Variants in NALF1 observed in about 807,000 individuals in gnomAD.
NALF1 encodes the protein family with sequence similarity 155 member A.
NALF1 carries 3 observed loss-of-function variants against 48.4 expected under a neutral mutation model. The observed-to-expected ratio is 0.06, with a 90% confidence interval of 0.03 to 0.16. The LOEUF is 0.16. NALF1 is among the 10% of genes least tolerant of loss of function. The probability of loss-of-function intolerance (pLI) is 1.00; values close to 1 mark genes in which losing one functional copy is unlikely to be tolerated. For missense variants in NALF1, 526 were observed against 571.5 expected (o/e 0.92, Z 0.81); for synonymous variants, 262 against 245.7 (o/e 1.07, Z -0.62).
intron 1 of NALF1, among the ~76,000 whole-genome samples, chr13:107,529,886 A>C (rs778997733): frequency 1.3e-5 from 2 of 152,046 alleles, no homozygotes; most frequent in East Asian, 1.9e-4. Flanking sequence ...ACATCCCTTC[A>C]TCTAGTGGCC....
chr13:107,710,828 T>TGC (rs1875564462), intron 1 of NALF1, among the ~76,000 whole-genome samples: 1 of 44,682 alleles, frequency 2.2e-5, no homozygotes, highest in Non-Finnish European at 5.8e-5. Flanking sequence ...TATATACACA[T>TGC]ACAGAGACAC....
intron 1 of NALF1, among the ~76,000 whole-genome samples, chr13:107,779,214 T>A (rs568806450): frequency 1.1e-3 from 171 of 152,380 alleles, no homozygotes; most frequent in African/African-American, 3.8e-3. Flanking sequence ...TGTTTACACC[T>A]GCATTCTTAT....
At chr13:107,733,103 A>G (rs1876360698) in intron 1 of NALF1, among the ~76,000 whole-genome samples, 1 of 152,004 alleles carries the variant, frequency 6.6e-6, no homozygotes, top group African/African-American at 2.4e-5. Context: ...AAATCCTGTA[A>G]ATATATCGGA....
At chr13:107,687,198 C>A (rs1881453341) in intron 1 of NALF1, among the ~76,000 whole-genome samples, 1 of 151,866 alleles carries the variant, frequency 6.6e-6, no homozygotes, top group African/African-American at 2.4e-5. Flanking sequence ...AATGCAAAAA[C>A]AGAAAATCAA....
At chr13:107,752,852 T>C (rs1465207156) in intron 1 of NALF1, among the ~76,000 whole-genome samples, 1 of 152,200 alleles carries the variant, frequency 6.6e-6, no homozygotes, top group African/African-American at 2.4e-5. Flanking sequence ...TTTGTGCTTT[T>C]CTAATAGTGA....
chr13:107,487,728 G>C (rs1360364673), intron 1 of NALF1, among the ~76,000 whole-genome samples: 1 of 152,142 alleles, frequency 6.6e-6, no homozygotes, highest in Non-Finnish European at 1.5e-5. Context: ...AAGGATATTG[G>C]CCTGAAGTTT....
At chr13:107,419,443 T>G (rs1884147526) in intron 1 of NALF1, among the ~76,000 whole-genome samples, 2 of 152,120 alleles carry the variant, frequency 1.3e-5, no homozygotes, top group African/African-American at 2.4e-5. Context: ...GATATAAGTT[T>G]TGTACAGAAA....
chr13:107,678,728 G>A (rs1309893579), intron 1 of NALF1, among the ~76,000 whole-genome samples: 1 of 152,164 alleles, frequency 6.6e-6, no homozygotes, highest in Non-Finnish European at 1.5e-5. Context: ...CTTCACAACG[G>A]GGCAGGAAGG....
chr13:107,714,999 T>C (rs546641823), intron 1 of NALF1, among the ~76,000 whole-genome samples: 3 of 152,144 alleles, frequency 2.0e-5, no homozygotes, highest in Admixed American at 6.5e-5. Context: ...CTCTCATTTT[T>C]GAATTTTTTT....
intron 1 of NALF1, among the ~76,000 whole-genome samples, chr13:107,692,057 A>G (rs1881579850): frequency 6.6e-6 from 1 of 152,196 alleles, no homozygotes; most frequent in South Asian, 2.1e-4. Context: ...AATCTTACGG[A>G]CAAATGAGAA....
At chr13:107,282,400 G>A (rs1881406278) in intron 1 of NALF1, among the ~76,000 whole-genome samples, 1 of 152,208 alleles carries the variant, frequency 6.6e-6, no homozygotes, top group Non-Finnish European at 1.5e-5. Context: ...GGACTCTGGA[G>A]GAAGCAATGA....
chr13:107,660,332 G>A (rs1880694141), intron 1 of NALF1, among the ~76,000 whole-genome samples: 1 of 151,090 alleles, frequency 6.6e-6, no homozygotes, highest in Admixed American at 6.6e-5. Context: ...CCACTCGGGA[G>A]GCTGAGGCAG....
intron 1 of NALF1, among the ~76,000 whole-genome samples, chr13:107,805,083 A>G (rs1362818342): frequency 1.3e-5 from 2 of 152,196 alleles, no homozygotes; most frequent in Non-Finnish European, 2.9e-5. Flanking sequence ...GACACCTGAC[A>G]TAAGATAATC....
intron 2 of NALF1, among the ~76,000 whole-genome samples, chr13:107,186,471 G>A (rs531953137): frequency 1.3e-5 from 2 of 152,110 alleles, no homozygotes; most frequent in Non-Finnish European, 2.9e-5. Context: ...GGGTTCAAGC[G>A]ATTCTCTTGC....
At chr13:107,370,826 C>T (rs1313636316) in intron 1 of NALF1, among the ~76,000 whole-genome samples, 6 of 152,134 alleles carry the variant, frequency 3.9e-5, no homozygotes, top group African/African-American at 4.8e-5. Flanking sequence ...GATGCAAACA[C>T]GTCCTTCTTC....
intron 1 of NALF1, among the ~76,000 whole-genome samples, chr13:107,311,338 G>T (rs982496619): frequency 6.6e-6 from 1 of 151,990 alleles, no homozygotes; most frequent in Admixed American, 6.6e-5. Context: ...CAATTCTAGA[G>T]CTATCTAAAA....
chr13:107,350,532 A>G (rs1388511719), intron 1 of NALF1, among the ~76,000 whole-genome samples: 1 of 152,244 alleles, frequency 6.6e-6, no homozygotes, highest in African/African-American at 2.4e-5. Context: ...TACTAACATT[A>G]GCTTTGAAAT....
rs537234780 is a variant in NALF1, at chr13:107,662,637, C to T, written c.915+203045G>A. On this transcript the variant is annotated intron_variant, in intron 1 of 2. Coordinates refer to ENST00000375915, the MANE Select transcript of NALF1 (RefSeq NM_001080396.3). ...ACATCCATTAAAAATAACTTGAAAA[C>T]AGAATTATTGTCACATAATTCACCT... Among the ~76,000 whole-genome samples, 12 of 152,178 alleles carry T rather than the reference C, an allele frequency of 7.9e-5. 1 individual carries two copies. In the East Asian group the frequency reaches 2.3e-3, roughly 29 times the overall value.
At chr13:107,222,318 A>G (rs1880011400) in intron 1 of NALF1, among the ~76,000 whole-genome samples, 1 of 152,228 alleles carries the variant, frequency 6.6e-6, no homozygotes, top group African/African-American at 2.4e-5. Context: ...ACTAACTTGT[A>G]TATGTTTTAA....
Sources: gnomAD v4.1 joint callset for allele counts (sites outside exome capture counted in the v4.1 genomes callset) on GRCh38, gnomAD v4.1.1 for gene constraint, MANE v1.5 for transcripts, NCBI Gene and HGNC (gene_info 2026-07-23, HGNC 2026-07-21) for gene names.